The following PLCXD3 variants were observed in gnomAD, a reference collection of about 807,000 sequenced individuals.
PLCXD3 encodes the protein PI-PLC X domain-containing protein 3.
PLCXD3 carries 19 observed loss-of-function variants against 25.5 expected under a neutral mutation model. The ratio of observed to expected loss-of-function variants is 0.75; its 90% CI spans 0.52 to 1.09. The LOEUF is 1.09. Among genes scored for constraint, PLCXD3 ranks in the 50% least tolerant of loss-of-function variants. The pLI is 0.00. For missense variants in PLCXD3, 411 were observed against 388.1 expected, an observed-to-expected ratio of 1.06 and a Z score of -0.50; for synonymous variants, 174 against 137.6, an observed-to-expected ratio of 1.26 and a Z score of -1.85.
rs370056277 is a variant in PLCXD3 at position 41,382,164 on chromosome 5, C to T, written c.474G>A (p.Leu158=). The change falls in exon 2 of 3, where the codon CTG becomes CTA. Residue 158 remains leucine, a synonymous_variant. Coordinates refer to ENST00000377801, the MANE Select transcript of PLCXD3 (RefSeq NM_001005473.3). ...YGMQKYHHEK[L]VQMLKDIYGN... is the part of the protein sequence containing the mutation. ...CATAGATGTCTTTCAGCATTTGGAC[C>T]AGTTTTTCATGGTGATATTTCTGCA... 1 of 1,613,656 alleles carries T rather than the reference C, an allele frequency of 6.2e-7. No individual in the cohort carries two copies. Among genetic ancestry groups the T allele is most frequent in the African/African-American group, 1.3e-5 (1 of 74,972 alleles).
At chr5:41,407,378 A>G (rs1052003343) in intron 1 of PLCXD3, among the ~76,000 whole-genome samples, 23 of 152,228 alleles carry the variant, frequency 1.5e-4, no homozygotes, top group Admixed American at 1.4e-3. Flanking sequence ...GATGATCAAC[A>G]TGACAAGAAA....
intron 2 of PLCXD3, among the ~76,000 whole-genome samples, chr5:41,349,110 A>G (rs1439581627): frequency 1.3e-5 from 2 of 152,182 alleles, no homozygotes; most frequent in African/African-American, 4.8e-5. Flanking sequence ...AAGAGTCCAC[A>G]TATCCATGTG....
chr5:41,342,304 T>C (rs1208009085), intron 2 of PLCXD3, among the ~76,000 whole-genome samples: 1 of 152,148 alleles, frequency 6.6e-6, no homozygotes, highest in African/African-American at 2.4e-5. Context: ...CTGTTTTAGG[T>C]GTTGAAGAGC....
At chr5:41,498,389 A>G (rs1748885572) in intron 1 of PLCXD3, among the ~76,000 whole-genome samples, 1 of 151,002 alleles carries the variant, frequency 6.6e-6, no homozygotes, top group African/African-American at 2.4e-5. Context: ...ACTATAAACA[A>G]TTATATACCA....
intron 1 of PLCXD3, among the ~76,000 whole-genome samples, chr5:41,490,790 T>A (rs1040686605): frequency 6.6e-6 from 1 of 152,198 alleles, no homozygotes; most frequent in African/African-American, 2.4e-5. Context: ...ATCCCCTTTG[T>A]CATTTTTTAC....
chr5:41,479,036 T>C (rs578110880), intron 1 of PLCXD3, among the ~76,000 whole-genome samples: 21 of 152,262 alleles, frequency 1.4e-4, no homozygotes, highest in African/African-American at 3.6e-4. Context: ...GGGATTACAA[T>C]TTGAGATAAG....
chr5:41,352,704 T>C (rs1274928856), intron 2 of PLCXD3, among the ~76,000 whole-genome samples: 2 of 152,224 alleles, frequency 1.3e-5, no homozygotes, highest in African/African-American at 2.4e-5. Context: ...AATACACATC[T>C]GAAGAATTCT....
At chr5:41,317,281 C>T (rs1211657590) in intron 2 of PLCXD3, among the ~76,000 whole-genome samples, 1 of 152,262 alleles carries the variant, frequency 6.6e-6, no homozygotes, top group East Asian at 1.9e-4. Flanking sequence ...CTCTACAAGT[C>T]ATCAGGAATC....
intron 1 of PLCXD3, among the ~76,000 whole-genome samples, chr5:41,506,290 A>G (rs1489518049): frequency 2.0e-5 from 3 of 152,246 alleles, no homozygotes; most frequent in Non-Finnish European, 4.4e-5. Context: ...ATAGTCGAGG[A>G]TTTGATTCAT....
chr5:41,438,937 A>G (rs1747318471), intron 1 of PLCXD3, among the ~76,000 whole-genome samples: 2 of 152,224 alleles, frequency 1.3e-5, no homozygotes, highest in Non-Finnish European at 1.5e-5. Flanking sequence ...ATTTTTTCCT[A>G]TGACTATAAA....
At chr5:41,419,188 T>C (rs987735968) in intron 1 of PLCXD3, among the ~76,000 whole-genome samples, 3 of 151,978 alleles carry the variant, frequency 2.0e-5, no homozygotes, top group Non-Finnish European at 4.4e-5. Flanking sequence ...AGAGAGAAAA[T>C]AGGAAGATGT....
chr5:41,456,510 AAAAAAAG>A, intron 1 of PLCXD3: 1 of 865,812 alleles, frequency 1.2e-6, no homozygotes, highest in South Asian at 5.3e-5. Context: ...TTATGTTGAA[AAAAAAAG>A]AAAAACAAGT....
chr5:41,350,839 C>T (rs913666407), intron 2 of PLCXD3, among the ~76,000 whole-genome samples: 2 of 151,986 alleles, frequency 1.3e-5, no homozygotes, highest in African/African-American at 2.4e-5. Context: ...TGTTAAATTC[C>T]GTTTTATGTC....
At chr5:41,323,540 CA>C (rs1302965735) in intron 2 of PLCXD3, among the ~76,000 whole-genome samples, 1 of 152,020 alleles carries the variant, frequency 6.6e-6, no homozygotes, top group Admixed American at 6.6e-5. Flanking sequence ...AAATACATAG[CA>C]ACTGAAAACT....
intron 1 of PLCXD3, among the ~76,000 whole-genome samples, chr5:41,478,843 A>G (rs1748335003): frequency 6.6e-6 from 1 of 152,222 alleles, no homozygotes; most frequent in South Asian, 2.1e-4. Context: ...TAGTGGCAGA[A>G]GGGCGAAGGG....
intron 1 of PLCXD3, among the ~76,000 whole-genome samples, chr5:41,412,615 G>A (rs1198645651): frequency 2.0e-5 from 3 of 152,132 alleles, no homozygotes; most frequent in Non-Finnish European, 4.4e-5. Context: ...ATCACATACT[G>A]TTTTCAGTCT....
At chr5:41,446,914 A>G (rs1747517302) in intron 1 of PLCXD3, among the ~76,000 whole-genome samples, 2 of 152,224 alleles carry the variant, frequency 1.3e-5, no homozygotes, top group East Asian at 1.9e-4. Context: ...TAAATTAACT[A>G]TATAATTGCT....
At chr5:41,343,470 C>T (rs2150478503) in intron 2 of PLCXD3, among the ~76,000 whole-genome samples, 1 of 152,126 alleles carries the variant, frequency 6.6e-6, no homozygotes, top group African/African-American at 2.4e-5. Context: ...AAATTGTTTG[C>T]TTATATGCAA....
chr5:41,457,143 C>T (rs549635359), intron 1 of PLCXD3, among the ~76,000 whole-genome samples: 38 of 152,066 alleles, frequency 2.5e-4, no homozygotes, highest in South Asian at 4.1e-4. Context: ...CCACTCTAAA[C>T]CCTTGAAATT....
Sources: allele counts gnomAD v4.1 joint callset (sites outside exome capture counted in the v4.1 genomes callset), GRCh38; gene constraint gnomAD v4.1.1; transcripts MANE v1.5; gene names NCBI Gene and HGNC (gene_info 2026-07-23, HGNC 2026-07-21).